Variants in ANO10 observed in about 807,000 individuals in gnomAD.
The protein encoded by ANO10 is anoctamin 10.
In ANO10, 77 loss-of-function variants were observed where a neutral mutation model predicts 74.7. That is an observed-to-expected ratio of 1.03 (90% CI 0.86 to 1.25). ANO10 has a LOEUF of 1.25. ANO10 is among the 50% of genes most tolerant of loss of function. The probability of loss-of-function intolerance (pLI) is 0.00; values close to 1 mark genes in which losing one functional copy is unlikely to be tolerated. For missense variants in ANO10, 721 were observed against 778.1 expected, an observed-to-expected ratio of 0.93 and a Z score of 0.87; for synonymous variants, 279 against 284.9, an observed-to-expected ratio of 0.98 and a Z score of 0.21.
chr3:43,649,186 C>A (rs966044416), intron 1 of ANO10, among the ~76,000 whole-genome samples: 2 of 152,166 alleles, frequency 1.3e-5, no homozygotes, highest in Admixed American at 6.5e-5. Context: ...GAGTCAGGAA[C>A]CATGTAGGTT....
At chr3:43,634,797 T>A (rs1392078289) in intron 1 of ANO10, among the ~76,000 whole-genome samples, 1 of 152,158 alleles carries the variant, frequency 6.6e-6, no homozygotes. Flanking sequence ...TAAAGAATGA[T>A]TAGCACAGGC....
chr3:43,381,730 T>C (rs2091964713), intron 12 of ANO10, among the ~76,000 whole-genome samples: 1 of 152,162 alleles, frequency 6.6e-6, no homozygotes, highest in South Asian at 2.1e-4. Flanking sequence ...TTAACAGATA[T>C]TTACAGAACA....
chr3:43,408,613 T>C (rs2092616696), intron 12 of ANO10, among the ~76,000 whole-genome samples: 2 of 152,220 alleles, frequency 1.3e-5, no homozygotes, highest in Admixed American at 1.3e-4. Flanking sequence ...CAGTGTTCTC[T>C]GACTTCATCG....
intron 1 of ANO10, chr3:43,690,809 G>A: frequency 8.2e-6 from 4 of 488,250 alleles, no homozygotes; most frequent in East Asian, 3.7e-5. Context: ...GGGGATGGCG[G>A]ACGCAAAGCC....
chr3:43,585,352 G>A, intron 4 of ANO10, among the ~76,000 whole-genome samples: 1 of 149,194 alleles, frequency 6.7e-6, no homozygotes, highest in Non-Finnish European at 1.5e-5. Flanking sequence ...GAGAAGAGAG[G>A]AAGAAAGGAA....
At chr3:43,384,901 A>C (rs534995851) in intron 12 of ANO10, among the ~76,000 whole-genome samples, 1 of 152,240 alleles carries the variant, frequency 6.6e-6, no homozygotes, top group Non-Finnish European at 1.5e-5. Flanking sequence ...AAATGCAACA[A>C]AAATAAAGAT....
chr3:43,662,712 C>A (rs1318962210), intron 1 of ANO10, among the ~76,000 whole-genome samples: 1 of 152,082 alleles, frequency 6.6e-6, no homozygotes, highest in African/African-American at 2.4e-5. Context: ...AAGGGGATAT[C>A]ACCACCAATC....
At chr3:43,446,095 G>A (rs564569261) in intron 11 of ANO10, among the ~76,000 whole-genome samples, 19 of 152,272 alleles carry the variant, frequency 1.2e-4, no homozygotes, top group African/African-American at 4.1e-4. Flanking sequence ...CTTAGAGTGG[G>A]TGATCACTTT....
At chr3:43,564,329 C>T (rs78862985) in intron 8 of ANO10, among the ~76,000 whole-genome samples, 98 of 151,884 alleles carry the variant, frequency 6.5e-4, no homozygotes, top group Non-Finnish European at 6.0e-4. Flanking sequence ...CCATTATGCC[C>T]GGCCTTCATT....
rs576740149 is a variant in ANO10 at position 43,471,172 on chromosome 3, C to T, written c.1798-38445G>A. 2.0e-5 allele frequency among the ~76,000 whole-genome samples: 3 copies of T among 152,196 alleles called. No individual in the cohort carries two copies. In the East Asian group the frequency reaches 5.8e-4, roughly 29 times the overall value. ...CAGAAAATATTTAGAAAACACTTTC[C>T]CCCAGTTGGAAACCTATTTATAAAA... On this transcript the variant is annotated intron_variant, in intron 11 of 12. Coordinates refer to ENST00000292246, the MANE Select transcript of ANO10 (RefSeq NM_018075.5).
intron 12 of ANO10, among the ~76,000 whole-genome samples, chr3:43,408,337 T>C (rs2092611597): frequency 6.6e-6 from 1 of 152,232 alleles, no homozygotes; most frequent in South Asian, 2.1e-4. Context: ...ATCTTAGAGA[T>C]TTAAGTTTCA....
chr3:43,645,501 A>G (rs2083717547), intron 1 of ANO10, among the ~76,000 whole-genome samples: 1 of 152,080 alleles, frequency 6.6e-6, no homozygotes. Context: ...AAAAAAAAAA[A>G]AAAATTTAAG....
At chr3:43,444,249 A>G (rs1400138789) in intron 11 of ANO10, among the ~76,000 whole-genome samples, 1 of 152,198 alleles carries the variant, frequency 6.6e-6, no homozygotes, top group Non-Finnish European at 1.5e-5. Context: ...GTGTCACCAA[A>G]GAACACATCT....
In ANO10 at chr3:43,614,449, C is replaced by T. The variant is rs185689476; in HGVS notation, c.-12+7460G>A. On this transcript the variant is annotated intron_variant, in intron 1 of 12. Coordinates refer to ENST00000292246, the MANE Select transcript of ANO10 (RefSeq NM_018075.5). Reference sequence around the variant, plus strand: ...AAATCAACAACAGAAAATAAAAAAACATAAAAATACAACTCATAAAAGAAA... The same window carrying T: ...AAATCAACAACAGAAAATAAAAAAATATAAAAATACAACTCATAAAAGAAA... Among the ~76,000 whole-genome samples the T allele has an allele frequency of 1.1e-4, 16 of 151,948 alleles. No homozygotes were observed. The East Asian group carries it at 2.7e-3, about 26-fold the overall frequency.
chr3:43,676,125 A>C (rs564871170), intron 1 of ANO10, among the ~76,000 whole-genome samples: 5 of 152,294 alleles, frequency 3.3e-5, no homozygotes, highest in Admixed American at 1.3e-4. Flanking sequence ...CAACAATTTT[A>C]ATCTCCAAAT....
intron 11 of ANO10, among the ~76,000 whole-genome samples, chr3:43,444,572 A>G (rs2093213090): frequency 6.6e-6 from 1 of 152,220 alleles, no homozygotes; most frequent in Non-Finnish European, 1.5e-5. Flanking sequence ...ATTTACTTTA[A>G]TTGTATCAAG....
intron 4 of ANO10, among the ~76,000 whole-genome samples, chr3:43,583,800 T>C (rs183862717): frequency 1.3e-5 from 2 of 152,338 alleles, no homozygotes; most frequent in Admixed American, 1.3e-4. Context: ...CAGATCACTT[T>C]TGTCTTAATA....
In ANO10 at chr3:43,576,680, C is replaced by T. The variant is rs551675434; in HGVS notation, c.1162+12G>A. The T allele has an allele frequency of 5.0e-5, 80 of 1,613,208 alleles. 1 individual carries two copies. In the South Asian group the frequency reaches 7.6e-4, roughly 15 times the overall value. The stretch of plus-strand genomic sequence containing the variant: ...GGCAAGTAAGACGTGAATATAAAGC[C>T]TCAAGTCTTACCCCATGAAGTTAAA... On this transcript the variant is annotated intron_variant, in intron 6 of 12. Coordinates refer to ENST00000292246, the MANE Select transcript of ANO10 (RefSeq NM_018075.5).
Position 43,443,884 on chromosome 3 carries a change from G to C in ANO10, c.1798-11157C>G, listed in dbSNP as rs758930295. On this transcript the variant is annotated intron_variant, in intron 11 of 12. Coordinates refer to ENST00000292246, the MANE Select transcript of ANO10 (RefSeq NM_018075.5). The stretch of plus-strand genomic sequence containing the variant: ...TTTTAGTAGAGACGGGTTTCACCAT[G>C]TTGGCCAGGCGGGTCTCGAACTCCT... Among the ~76,000 whole-genome samples the C allele has an allele frequency of 8.0e-4, 122 of 152,028 alleles. 1 individual carries two copies. Among genetic ancestry groups the C allele is most frequent in the Non-Finnish European group, 1.5e-3 (104 of 67,980 alleles).
Sources: gnomAD v4.1 joint callset for allele counts (sites outside exome capture counted in the v4.1 genomes callset) on GRCh38, gnomAD v4.1.1 for gene constraint, MANE v1.5 for transcripts, NCBI Gene and HGNC (gene_info 2026-07-23, HGNC 2026-07-21) for gene names.